ATXN1: variants seen among roughly 807,000 people sequenced by gnomAD.
ATXN1 encodes the protein ataxin 1.
Under a neutral mutation model 56.4 loss-of-function variants are expected in ATXN1, and 8 were observed. That is an observed-to-expected ratio of 0.14 (90% CI 0.08 to 0.26). The LOEUF is 0.26. Ranked by LOEUF, ATXN1 falls within the 10% of genes least tolerant of loss-of-function variation. The pLI, the probability that ATXN1 is intolerant of heterozygous loss-of-function variation, is 1.00. For missense variants in ATXN1, 987 were observed against 1,106.5 expected (o/e 0.89, Z 1.53); for synonymous variants, 514 against 494.6 (o/e 1.04, Z -0.52).
intron 6 of ATXN1, among the ~76,000 whole-genome samples, chr6:16,400,714 A>G (rs1486611843): frequency 1.3e-5 from 2 of 152,224 alleles, no homozygotes; most frequent in Non-Finnish European, 2.9e-5. Context: ...TAAGATTACC[A>G]TATTGTCCTT....
At chr6:16,529,200 G>A (rs991080499) in intron 4 of ATXN1, among the ~76,000 whole-genome samples, 1 of 149,160 alleles carries the variant, frequency 6.7e-6, no homozygotes, top group Non-Finnish European at 1.5e-5. Flanking sequence ...TCTTTGTCAG[G>A]GTTTTTTGTT....
intron 6 of ATXN1, among the ~76,000 whole-genome samples, chr6:16,355,843 CG>C (rs1464915576): frequency 1.3e-5 from 2 of 152,024 alleles, no homozygotes; most frequent in African/African-American, 4.8e-5. Flanking sequence ...GGATTACAGG[CG>C]TGAGGCACCA....
At chr6:16,662,610 A>T (rs1758342031) in intron 2 of ATXN1, among the ~76,000 whole-genome samples, 1 of 152,250 alleles carries the variant, frequency 6.6e-6, no homozygotes, top group Admixed American at 6.5e-5. Context: ...CTGGGATTAC[A>T]GGCGTGGGCC....
At chr6:16,723,529 A>C (rs902320522) in intron 2 of ATXN1, among the ~76,000 whole-genome samples, 3 of 152,198 alleles carry the variant, frequency 2.0e-5, no homozygotes, top group Non-Finnish European at 4.4e-5. Context: ...CCCTTTGGAT[A>C]AACCTTTTAT....
chr6:16,506,314 G>A lies in ATXN1; in HGVS notation c.-299+16313C>T, dbSNP rs1379745375. 6.6e-6 allele frequency among the ~76,000 whole-genome samples: 1 copy of A among 152,112 alleles called. No homozygotes were observed. The highest frequency in any genetic ancestry group is 1.9e-4 in the East Asian group (1 of 5,202). On this transcript the variant is annotated intron_variant, in intron 5 of 7. Transcript: ENST00000436367. The surrounding 1 kb of genome is among the most constrained non-coding windows in gnomAD (Gnocchi z 4.1). Reference sequence around the variant, plus strand: ...AGCAATGAGTCAAATGAAGAAAGTGGTTTAAGGGAAATGGTCATTTTCTAA... The same window carrying A: ...AGCAATGAGTCAAATGAAGAAAGTGATTTAAGGGAAATGGTCATTTTCTAA...
At chr6:16,415,333 G>T (rs187296436) in intron 6 of ATXN1, among the ~76,000 whole-genome samples, 42 of 152,216 alleles carry the variant, frequency 2.8e-4, no homozygotes, top group Non-Finnish European at 5.4e-4. Flanking sequence ...GGGTTCAAGA[G>T]ATTCTCCTGC....
At chr6:16,636,083 C>A (rs1364436724) in intron 3 of ATXN1, among the ~76,000 whole-genome samples, 1 of 152,152 alleles carries the variant, frequency 6.6e-6, no homozygotes, top group African/African-American at 2.4e-5. Context: ...TGTTCCTGAC[C>A]ACCCTCCCCA....
In ATXN1 at chr6:16,731,450, T is replaced by TTTTC. The variant is rs1196213758; in HGVS notation, c.-615+21779_-615+21782dup. 3.4e-5 allele frequency among the ~76,000 whole-genome samples: 4 copies of TTTTC among 117,896 alleles called. No homozygotes were observed. In the East Asian group the frequency reaches 9.4e-4, roughly 28 times the overall value. The allele number at this position is 117,896 out of a possible 152,430, so 77.3% of individuals were successfully genotyped here. On this transcript the variant is annotated intron_variant, in intron 2 of 7. Coordinates refer to ENST00000436367, the MANE Select transcript of ATXN1 (RefSeq NM_001128164.2). ...GATAACGAGAGAGGCTTTTTTTTTC[T>TTTTC]TTTCTTTTTTTTTTTTTTTTTTTTT...
chr6:16,407,902 A>G (rs903969621), intron 6 of ATXN1, among the ~76,000 whole-genome samples: 1 of 152,226 alleles, frequency 6.6e-6, no homozygotes, highest in Non-Finnish European at 1.5e-5. Context: ...TGCCAGGGAT[A>G]ATGGTGCCAT....
chr6:16,718,089 CACA>C (rs1246193031), intron 2 of ATXN1, among the ~76,000 whole-genome samples: 1 of 152,224 alleles, frequency 6.6e-6, no homozygotes, highest in Non-Finnish European at 1.5e-5. Flanking sequence ...AGAGTTGCCA[CACA>C]ACAAGGTGCA....
intron 6 of ATXN1, among the ~76,000 whole-genome samples, chr6:16,347,869 G>A (rs1245869316): frequency 1.3e-5 from 2 of 151,774 alleles, no homozygotes; most frequent in East Asian, 1.9e-4. Context: ...CCACACTGTG[G>A]AAGCTTTGTT....
chr6:16,379,194 T>C lies in ATXN1; in HGVS notation c.-160-50724A>G, dbSNP rs919554122. Among the ~76,000 whole-genome samples, 6 of 152,290 alleles carry C rather than the reference T, an allele frequency of 3.9e-5. No homozygotes were observed. In the South Asian group the frequency reaches 6.2e-4, roughly 16 times the overall value. ...CAAACATCATATGTTCTCACTGATA[T>C]GTGAGAGCTAAGCTATGAGGATGCA... On this transcript the variant is annotated intron_variant, in intron 6 of 7. Coordinates refer to ENST00000436367, the MANE Select transcript of ATXN1 (RefSeq NM_001128164.2).
intron 6 of ATXN1, among the ~76,000 whole-genome samples, chr6:16,343,650 C>T (rs1399197489): frequency 6.6e-6 from 1 of 152,140 alleles, no homozygotes; most frequent in Non-Finnish European, 1.5e-5. Context: ...GGCCGATATC[C>T]CTGTATGCCT....
intron 3 of ATXN1, among the ~76,000 whole-genome samples, chr6:16,590,330 A>C (rs1020959719): frequency 6.6e-6 from 1 of 152,096 alleles, no homozygotes; most frequent in Non-Finnish European, 1.5e-5. Context: ...TGCACTTTGG[A>C]AAAAAAATAA....
At chr6:16,453,257 G>A (rs1184355932) in intron 6 of ATXN1, among the ~76,000 whole-genome samples, 2 of 152,072 alleles carry the variant, frequency 1.3e-5, no homozygotes, top group Non-Finnish European at 2.9e-5. Context: ...TCAGGAGATC[G>A]AGACCATCCT....
At chr6:16,382,309 A>C (rs1758143431) in intron 6 of ATXN1, among the ~76,000 whole-genome samples, 2 of 151,956 alleles carry the variant, frequency 1.3e-5, no homozygotes, top group African/African-American at 4.8e-5. Context: ...CAAAAAAAAA[A>C]AAAAATACCC....
intron 6 of ATXN1, among the ~76,000 whole-genome samples, chr6:16,376,625 C>G (rs117911460): frequency 6.6e-6 from 1 of 152,212 alleles, no homozygotes; most frequent in South Asian, 2.1e-4. Context: ...GTCACCTTCC[C>G]GCTTTCCTTT....
At chr6:16,538,359 T>C (rs372417847) in intron 4 of ATXN1, among the ~76,000 whole-genome samples, 15 of 152,256 alleles carry the variant, frequency 9.9e-5, no homozygotes, top group African/African-American at 3.1e-4. Flanking sequence ...TTTGCTTTTA[T>C]TGACCAACAT....
intron 5 of ATXN1, among the ~76,000 whole-genome samples, chr6:16,487,783 T>C (rs935574519): frequency 6.6e-6 from 1 of 152,200 alleles, no homozygotes; most frequent in East Asian, 1.9e-4. Flanking sequence ...CATTGTGATT[T>C]GTAGTCATGA....
Sources: allele counts gnomAD v4.1 joint callset (sites outside exome capture counted in the v4.1 genomes callset), GRCh38; gene constraint gnomAD v4.1.1; non-coding constraint Gnocchi (gnomAD v3.1); transcripts MANE v1.5; gene names NCBI Gene and HGNC (gene_info 2026-07-23, HGNC 2026-07-21).